TMEM71: variants seen among roughly 807,000 people sequenced by gnomAD.
TMEM71 encodes the protein transmembrane protein 71.
Under a neutral mutation model 38.0 loss-of-function variants are expected in TMEM71, and 44 were observed. The ratio of observed to expected loss-of-function variants is 1.16; its 90% confidence interval spans 0.91 to 1.49. The LOEUF is 1.49. Among genes scored for constraint, TMEM71 ranks in the 40% most tolerant of loss-of-function variants. The probability of loss-of-function intolerance (pLI) is 0.00; values close to 1 mark genes in which losing one functional copy is unlikely to be tolerated. For missense variants in TMEM71, 367 were observed against 348.6 expected (o/e 1.05, Z -0.42); for synonymous variants, 133 against 122.5 (o/e 1.09, Z -0.56).
At chr8:132,723,329 T>G (rs143330431) in intron 6 of TMEM71, among the ~76,000 whole-genome samples, 1 of 152,318 alleles carries the variant, frequency 6.6e-6, no homozygotes, top group Non-Finnish European at 1.5e-5. Flanking sequence ...AAATCTAGCT[T>G]GAAAAACTGC....
At chr8:132,731,395 T>C (rs1294069869) in intron 5 of TMEM71, among the ~76,000 whole-genome samples, 1 of 152,184 alleles carries the variant, frequency 6.6e-6, no homozygotes, top group Non-Finnish European at 1.5e-5. Flanking sequence ...AAGAAGCTTA[T>C]TACTTGACCT....
intron 4 of TMEM71, among the ~76,000 whole-genome samples, chr8:132,748,136 A>G (rs1206289333): frequency 2.0e-5 from 3 of 152,244 alleles, no homozygotes; most frequent in Non-Finnish European, 1.5e-5. Context: ...CAGCTTTCCC[A>G]TCACAGGCAA....
intron 5 of TMEM71, among the ~76,000 whole-genome samples, chr8:132,738,130 C>T (rs1005632323): frequency 6.9e-6 from 1 of 143,890 alleles, no homozygotes; most frequent in Non-Finnish European, 1.5e-5. Context: ...TATTGCATTT[C>T]ATCCTCCCCA....
chr8:132,712,566 C>T (rs1164916410), intron 9 of TMEM71, among the ~76,000 whole-genome samples: 2 of 152,074 alleles, frequency 1.3e-5, no homozygotes, highest in Non-Finnish European at 2.9e-5. Context: ...TATTAAAAGG[C>T]AACTTCACCT....
In TMEM71 at chr8:132,729,469, T is replaced by C. The variant is rs148059930; in HGVS notation, c.488-1483A>G. Among the ~76,000 whole-genome samples the C allele has an allele frequency of 1.9e-3, 297 of 152,340 alleles. 1 individual carries two copies. The highest frequency in any genetic ancestry group is 6.8e-3 in the African/African-American group (281 of 41,566). The stretch of plus-strand genomic sequence containing the variant: ...GAATTCGTGCCAGTTTAGAGCTCAT[T>C]GACTTGGAAGCAAAGCCACTCAGAA... On this transcript the variant is annotated intron_variant, in intron 5 of 9. Coordinates refer to ENST00000677595, the MANE Select transcript of TMEM71 (RefSeq NM_001382403.1).
intron 7 of TMEM71, among the ~76,000 whole-genome samples, chr8:132,719,928 C>A (rs558106916): frequency 2.0e-5 from 3 of 152,134 alleles, no homozygotes; most frequent in Non-Finnish European, 4.4e-5. Context: ...TTAGTCATTG[C>A]GTCTGCTAGG....
chr8:132,751,889 A>G lies in TMEM71; in HGVS notation c.210T>C (p.Asn70=). The G allele has an allele frequency of 6.2e-7, 1 of 1,614,054 alleles. No homozygotes were observed. Among genetic ancestry groups the G allele is most frequent in the Non-Finnish European group, 8.5e-7 (1 of 1,180,026 alleles). ...TGTCTTCAGTCCAAATATAGTAGCC[A>G]TTGGTGAGGAGTCTGGGACTTCGGC... ...TCRRSPRLLT[N]GYYIWTEDSF... is the part of the protein sequence containing the mutation. Residue 70 remains asparagine (N), a synonymous_variant, in exon 4 of 10, where the codon AAT becomes AAC. Coordinates refer to ENST00000677595, the MANE Select transcript of TMEM71 (RefSeq NM_001382403.1).
intron 5 of TMEM71, among the ~76,000 whole-genome samples, chr8:132,737,556 A>G (rs143062909): frequency 3.3e-4 from 50 of 152,330 alleles, no homozygotes; most frequent in African/African-American, 1.2e-3. Flanking sequence ...TTTTCTCTTC[A>G]AATCCTGGCT....
At chr8:132,754,298 G>A (rs1392875574) in intron 3 of TMEM71, among the ~76,000 whole-genome samples, 2 of 151,884 alleles carry the variant, frequency 1.3e-5, no homozygotes, top group East Asian at 1.9e-4. Context: ...CACCCTGAAC[G>A]TGCCTGATCT....
chr8:132,713,478 G>T (rs10110952), intron 9 of TMEM71, among the ~76,000 whole-genome samples: 85,891 of 151,864 alleles, frequency 0.57, 27,250 homozygotes, highest in African/African-American at 0.87. Flanking sequence ...ACAGTCCATC[G>T]TGCAATAGGA....
chr8:132,745,782 C>T (rs2467972), intron 5 of TMEM71, among the ~76,000 whole-genome samples: 45,325 of 151,514 alleles, frequency 0.3, 6,969 homozygotes, highest in Non-Finnish European at 0.33. Context: ...TTTCCATCAA[C>T]ATTGAATTGA....
At chr8:132,775,406 A>AGGCGGCGGCGGCGGC in the TMEM71 span, 4 of 382,546 alleles carry the variant, frequency 1.0e-5, no homozygotes, top group Non-Finnish European at 9.2e-6. Context: ...CCGGCGGCGG[A>AGGCGGCGGCGGCGGC]GGCGGCGGCG....
rs888622846 is a variant in TMEM71, at chr8:132,759,228, A to G, written c.-36-313T>C. 2.5e-5 allele frequency: 5 copies of G among 197,500 alleles called. No individual in the cohort carries two copies. In the East Asian group the frequency reaches 5.0e-4, roughly 20 times the overall value. The allele number at this position is 197,500 out of a possible 1,614,324, so 12.2% of individuals were successfully genotyped here. A position where few individuals can be genotyped will look rare whatever the true frequency, so the allele number is the denominator to read the frequency against. ...TAATCCAAAGAAAATAATGAAAGTGAGGTATTTGATTAAGAAATCTTAATA... is the reference window on the plus strand; with the variant it reads ...TAATCCAAAGAAAATAATGAAAGTGGGGTATTTGATTAAGAAATCTTAATA... On this transcript the variant is annotated intron_variant, in intron 1 of 9. Transcript: ENST00000677595.
At position 132,710,077 on chromosome 8, in the gene TMEM71, C is replaced by T. The variant is rs145745086; in HGVS notation, c.*890G>A. 3.6e-3 allele frequency: 555 copies of T among 152,202 alleles called. 5 individuals are homozygous for T. Among genetic ancestry groups the T allele is most frequent in the African/African-American group, 0.013 (535 of 41,520 alleles). The allele number at this position is 152,202 out of a possible 1,614,324, so 9.4% of individuals were successfully genotyped here. ...AATTTTCTGCATGTATGAGTTTTTA[C>T]TCAGAGAGTATCACATAGAACAAAT... On this transcript the variant is annotated 3_prime_UTR_variant, in exon 10 of 10. Transcript: ENST00000677595.
At chr8:132,735,349 C>T (rs1313173717) in intron 5 of TMEM71, among the ~76,000 whole-genome samples, 1 of 152,198 alleles carries the variant, frequency 6.6e-6, no homozygotes, top group African/African-American at 2.4e-5. Flanking sequence ...TGTTTGATTG[C>T]ATCCATTGCT....
chr8:132,754,958 G>A (rs1185854567), intron 3 of TMEM71, among the ~76,000 whole-genome samples: 1 of 152,164 alleles, frequency 6.6e-6, no homozygotes, highest in East Asian at 1.9e-4. Flanking sequence ...GCTCCAGTAG[G>A]TTAAATTCAT....
chr8:132,725,204 ATT>A (rs1827076259), intron 6 of TMEM71, among the ~76,000 whole-genome samples: 1 of 151,934 alleles, frequency 6.6e-6, no homozygotes, highest in African/African-American at 2.4e-5. Flanking sequence ...TGCCCAGATA[ATT>A]TTTTGTAGAA....
At position 132,722,054 on chromosome 8, in the gene TMEM71, A is replaced by G. The variant is rs765398220; in HGVS notation, c.738T>C (p.Ile246=). 1 of 1,614,022 alleles carries G rather than the reference A, an allele frequency of 6.2e-7. No individual in the cohort carries two copies. The highest frequency in any genetic ancestry group is 1.7e-5 in the Admixed American group (1 of 60,020). The change falls in exon 7 of 10, where the codon ATT becomes ATC. Residue 246 remains isoleucine, a synonymous_variant. Transcript: ENST00000677595. ...ACGTGAATTACCTTGCACATGCAGA[A>G]ATGATTAAGCACACAGCAAGCAGGA... is the stretch of plus-strand genomic sequence containing the variant. ...QAILLAVCLI[I]SACARWFMGE...
intron 6 of TMEM71, among the ~76,000 whole-genome samples, chr8:132,723,032 T>C (rs1326415349): frequency 6.6e-6 from 1 of 152,244 alleles, no homozygotes; most frequent in Admixed American, 6.5e-5. Context: ...AAACTTGGAA[T>C]GACTTTATGT....
Sources: gnomAD v4.1 joint callset for allele counts (sites outside exome capture counted in the v4.1 genomes callset) on GRCh38, gnomAD v4.1.1 for gene constraint, MANE v1.5 for transcripts, NCBI Gene and HGNC (gene_info 2026-07-23, HGNC 2026-07-21) for gene names.